The following FUT9 variants were observed in gnomAD, a reference collection of about 807,000 sequenced individuals.
FUT9 encodes the protein 4-galactosyl-N-acetylglucosaminide 3-alpha-L-fucosyltransferase 9.
FUT9 carries 15 observed loss-of-function variants against 29.7 expected under a neutral mutation model. The observed-to-expected ratio is 0.51, with a 90% CI of 0.34 to 0.78. FUT9 has a LOEUF of 0.78. FUT9 is among the 30% of genes least tolerant of loss of function. The pLI is 0.01. For missense variants in FUT9, 319 were observed against 425.4 expected, an observed-to-expected ratio of 0.75 and a Z score of 2.20; for synonymous variants, 169 against 153.7, an observed-to-expected ratio of 1.10 and a Z score of -0.74.
At chr6:96,164,253 C>CTTTTTTTTTTT (rs57049980) in intron 2 of FUT9, among the ~76,000 whole-genome samples, 2 of 105,786 alleles carry the variant, frequency 1.9e-5, no homozygotes, top group Non-Finnish European at 3.6e-5. Flanking sequence ...GATCCAGGTT[C>CTTTTTTTTTTT]TTTTTTTTTT....
At chr6:96,121,660 T>C (rs1237619021) in intron 2 of FUT9, among the ~76,000 whole-genome samples, 1 of 152,176 alleles carries the variant, frequency 6.6e-6, no homozygotes, top group Non-Finnish European at 1.5e-5. Flanking sequence ...TATCTCTTCA[T>C]ATTAAAAAAT....
At chr6:96,042,439 G>A (rs1770478705) in intron 1 of FUT9, among the ~76,000 whole-genome samples, 1 of 152,084 alleles carries the variant, frequency 6.6e-6, no homozygotes, top group African/African-American at 2.4e-5. Flanking sequence ...AATTTAAAAT[G>A]TGCCCACTAC....
At chr6:96,051,440 CA>C (rs1770668099) in intron 1 of FUT9, among the ~76,000 whole-genome samples, 1 of 151,776 alleles carries the variant, frequency 6.6e-6, no homozygotes, top group African/African-American at 2.4e-5. Context: ...TGCTTGAAGC[CA>C]AGAGTTCAAA....
chr6:96,041,467 T>G (rs1770457443), intron 1 of FUT9, among the ~76,000 whole-genome samples: 1 of 152,184 alleles, frequency 6.6e-6, no homozygotes, highest in Non-Finnish European at 1.5e-5. Context: ...TTAAGGTAAA[T>G]GATTTTATCT....
At chr6:96,162,059 T>C (rs1329949932) in intron 2 of FUT9, among the ~76,000 whole-genome samples, 5 of 152,168 alleles carry the variant, frequency 3.3e-5, no homozygotes, top group Admixed American at 6.6e-5. Context: ...AGCACTTTCA[T>C]TTTTCTGCTT....
At chr6:96,141,058 G>A (rs1772453150) in intron 2 of FUT9, among the ~76,000 whole-genome samples, 1 of 152,058 alleles carries the variant, frequency 6.6e-6, no homozygotes, top group Non-Finnish European at 1.5e-5. Context: ...AGCCAGACAT[G>A]GGATTGTTTT....
At chr6:96,083,093 C>T (rs570372728) in intron 1 of FUT9, among the ~76,000 whole-genome samples, 118 of 151,986 alleles carry the variant, frequency 7.8e-4, no homozygotes, top group Non-Finnish European at 1.4e-3. Flanking sequence ...TTTTATATTT[C>T]CTTATTCTTT....
In FUT9 at chr6:96,205,100, G is replaced by A. The variant is rs1773803542; in HGVS notation, c.*865G>A. The A allele has an allele frequency of 6.0e-6, 1 of 166,724 alleles. No individual in the cohort carries two copies. Among genetic ancestry groups the A allele is most frequent in the South Asian group, 2.1e-4 (1 of 4,822 alleles). 10.3% of individuals were successfully genotyped at this position (166,724 alleles called of 1,614,324 possible). On this transcript the variant is annotated 3_prime_UTR_variant, in exon 3 of 3. Transcript: ENST00000302103. The stretch of plus-strand genomic sequence containing the variant: ...TATATTTATAAATGGTGTCATTTAT[G>A]AACAATGTTTAATTATGTATCAATT...
intron 1 of FUT9, among the ~76,000 whole-genome samples, chr6:96,084,814 C>A (rs17056048): frequency 0.042 from 6,439 of 152,224 alleles, 192 homozygotes; most frequent in South Asian, 0.12. Context: ...TGTCTTCACT[C>A]TCCACAGACA....
intron 2 of FUT9, among the ~76,000 whole-genome samples, chr6:96,171,734 T>C (rs1372844349): frequency 6.6e-6 from 1 of 152,098 alleles, no homozygotes; most frequent in Non-Finnish European, 1.5e-5. Context: ...GCAGCAAAAC[T>C]TTGAATCCTT....
intron 1 of FUT9, among the ~76,000 whole-genome samples, chr6:96,094,038 A>C (rs1026588432): frequency 6.6e-6 from 1 of 152,170 alleles, no homozygotes; most frequent in South Asian, 2.1e-4. Flanking sequence ...GTGTTTCTTC[A>C]AATTTGATGC....
intron 1 of FUT9, among the ~76,000 whole-genome samples, chr6:96,027,064 A>C (rs1247007572): frequency 6.6e-6 from 1 of 151,676 alleles, no homozygotes; most frequent in East Asian, 1.9e-4. Context: ...ATAATTTATA[A>C]AATTTCTTAA....
At chr6:96,063,473 C>CA (rs1223188087) in intron 1 of FUT9, among the ~76,000 whole-genome samples, 3 of 152,030 alleles carry the variant, frequency 2.0e-5, no homozygotes, top group Non-Finnish European at 2.9e-5. Flanking sequence ...AGAGTGAAAG[C>CA]TCGGTTATTA....
chr6:96,160,566 G>A (rs928541908), intron 2 of FUT9, among the ~76,000 whole-genome samples: 10 of 152,054 alleles, frequency 6.6e-5, no homozygotes, highest in South Asian at 2.1e-4. Context: ...TTATTAAATT[G>A]TTATATATAA....
At chr6:96,189,296 G>A (rs1454829591) in intron 2 of FUT9, among the ~76,000 whole-genome samples, 1 of 152,068 alleles carries the variant, frequency 6.6e-6, no homozygotes, top group Non-Finnish European at 1.5e-5. Context: ...ATTGGCATGT[G>A]CTGAGACTGG....
At chr6:96,147,254 C>T (rs4339476) in intron 2 of FUT9, among the ~76,000 whole-genome samples, 138,091 of 151,560 alleles carry the variant, frequency 0.91, 64,301 homozygotes, top group Non-Finnish European at 1. Flanking sequence ...CTCCACCTTC[C>T]GGGTTCAAGC....
intron 2 of FUT9, among the ~76,000 whole-genome samples, chr6:96,146,835 A>G (rs1772576769): frequency 6.6e-6 from 1 of 152,240 alleles, no homozygotes; most frequent in Non-Finnish European, 1.5e-5. Flanking sequence ...TGCTCAAGCC[A>G]AGGTTTTATT....
At chr6:96,062,483 G>T (rs1404489678) in intron 1 of FUT9, among the ~76,000 whole-genome samples, 2 of 152,052 alleles carry the variant, frequency 1.3e-5, no homozygotes, top group Non-Finnish European at 2.9e-5. Flanking sequence ...GAATGCAAAA[G>T]AACAGAGAAG....
chr6:96,067,939 A>G (rs2127946427), intron 1 of FUT9, among the ~76,000 whole-genome samples: 1 of 152,238 alleles, frequency 6.6e-6, no homozygotes, highest in South Asian at 2.1e-4. Context: ...AGCTCTTAAA[A>G]TGGTGTCTGG....
Sources: allele counts gnomAD v4.1 joint callset (sites outside exome capture counted in the v4.1 genomes callset), GRCh38; gene constraint gnomAD v4.1.1; transcripts MANE v1.5; gene names NCBI Gene and HGNC (gene_info 2026-07-23, HGNC 2026-07-21).